NIT2: variants seen among roughly 807,000 people sequenced by gnomAD.
The protein encoded by NIT2 is omega-amidase NIT2.
NIT2 carries 46 observed loss-of-function variants against 42.7 expected under a neutral mutation model. The observed-to-expected ratio is 1.08, with a 90% CI of 0.85 to 1.38. The LOEUF (loss-of-function observed/expected upper bound fraction) is 1.38, where lower values mean the gene tolerates loss of function less well. Among genes scored for constraint, NIT2 ranks in the 40% most tolerant of loss-of-function variants. NIT2 has a pLI of 0.00. For missense variants in NIT2, 309 were observed against 342.5 expected (o/e 0.90, Z 0.77); for synonymous variants, 123 against 121.9 (o/e 1.01, Z -0.06).
chr3:100,348,103 G>A (rs1706236398), intron 6 of NIT2, among the ~76,000 whole-genome samples: 2 of 152,038 alleles, frequency 1.3e-5, no homozygotes, highest in African/African-American at 2.4e-5. Context: ...TGTTGGCCAG[G>A]CTGGTCTCGA....
In NIT2 at chr3:100,348,820, T is replaced by C; in HGVS notation, c.523T>C (p.Tyr175His). 2 of 1,614,072 alleles carry C rather than the reference T, an allele frequency of 1.2e-6. No homozygotes were observed. Among genetic ancestry groups the C allele is most frequent in the Non-Finnish European group, 1.7e-6 (2 of 1,179,920 alleles). The change falls in exon 7 of 10, where the codon TAT (tyrosine) becomes CAT (histidine). Residue 175 changes from tyrosine to histidine, a missense_variant. Tyr to His is a moderately conservative substitution (Grantham distance 83). Coordinates refer to ENST00000394140, the MANE Select transcript of NIT2 (RefSeq NM_020202.5). ...YAQRGCQLLV[Y>H]PGAFNLTTGP... ...TCCCCAAGGCTGCCAGCTGTTGGTA[T>C]ATCCAGGAGCTTTTAATCTGACCAC...
rs750080874 is a variant in NIT2, at chr3:100,348,894, C to G, written c.584+13C>G. 6.2e-7 allele frequency: 1 copy of G among 1,611,306 alleles called. No individual in the cohort carries two copies. Among genetic ancestry groups the G allele is most frequent in the South Asian group, 1.1e-5 (1 of 91,016 alleles). On this transcript the variant is annotated intron_variant, in intron 7 of 9. Transcript: ENST00000394140. ...TTCAGCGAAGCCGGTAAGAAAGGAA[C>G]CATATATTCAAGCCTCTCGGCATGT...
In NIT2 at chr3:100,355,164, CTG is replaced by C; in HGVS notation, c.740-11_740-10del. 1 of 1,609,838 alleles carries C rather than the reference CTG, an allele frequency of 6.2e-7. No homozygotes were observed. The highest frequency in any genetic ancestry group is 1.3e-5 in the African/African-American group (1 of 74,868). ...TGCAAATTATTAATAGTGCACTTTC[CTG>C]TTTTTTGCAGACCTGAAGAAGCTGG... On this transcript the variant is annotated splice_polypyrimidine_tract_variant and intron_variant, in intron 9 of 9. Coordinates refer to ENST00000394140, the MANE Select transcript of NIT2 (RefSeq NM_020202.5).
chr3:100,342,513 T>G (rs193262337), intron 4 of NIT2, among the ~76,000 whole-genome samples: 1 of 151,768 alleles, frequency 6.6e-6, no homozygotes, highest in Non-Finnish European at 1.5e-5. Context: ...TAGTTATACA[T>G]CTTAGCTTTT....
chr3:100,345,919 A>G (rs1706212154), intron 5 of NIT2: 1 of 594,916 alleles, frequency 1.7e-6, no homozygotes, highest in Non-Finnish European at 3.0e-6. Flanking sequence ...TATACCTATT[A>G]GGCTACAGTT....
At chr3:100,344,925 T>C (rs1189981514) in intron 4 of NIT2, among the ~76,000 whole-genome samples, 1 of 149,900 alleles carries the variant, frequency 6.7e-6, no homozygotes, top group African/African-American at 2.5e-5. Flanking sequence ...TCCTGTCAAT[T>C]TGTCAGTTTG....
intron 6 of NIT2, among the ~76,000 whole-genome samples, chr3:100,348,123 C>T (rs1706236589): frequency 6.6e-6 from 1 of 152,148 alleles, no homozygotes. Flanking sequence ...AACTCCTGAC[C>T]TCAGGTGATC....
intron 5 of NIT2, 140 bp downstream of exon 5, chr3:100,345,818 A>G: frequency 1.5e-6 from 1 of 653,468 alleles, no homozygotes; most frequent in South Asian, 1.9e-5. Context: ...ATCATCACAG[A>G]TCTGGAAAGT....
intron 6 of NIT2, among the ~76,000 whole-genome samples, chr3:100,347,511 C>G (rs1706229356): frequency 6.6e-6 from 1 of 152,206 alleles, no homozygotes; most frequent in South Asian, 2.1e-4. Context: ...CTCACTGAAG[C>G]CTTGGTCTCC....
At chr3:100,351,901 C>T (rs277645) in intron 7 of NIT2, among the ~76,000 whole-genome samples, 22,657 of 151,864 alleles carry the variant, frequency 0.15, 3,092 homozygotes, top group East Asian at 0.49. Context: ...TGAACTCCAA[C>T]AAATTTACAA....
chr3:100,351,145 T>C (rs1341266314), intron 7 of NIT2, among the ~76,000 whole-genome samples: 1 of 152,218 alleles, frequency 6.6e-6, no homozygotes, highest in Admixed American at 6.5e-5. Flanking sequence ...TTTGTTATTG[T>C]GAATAGTGCT....
At position 100,339,091 on chromosome 3, in the gene NIT2, C is replaced by T. The variant is rs376856309; in HGVS notation, c.12C>T (p.Phe4=). 8 of 1,609,378 alleles carry T rather than the reference C, an allele frequency of 5.0e-6. No homozygotes were observed. Among genetic ancestry groups the T allele is most frequent in the African/African-American group, 4.0e-5 (3 of 74,830 alleles). The change falls in exon 2 of 10, where the codon TTC becomes TTT. Residue 4 remains phenylalanine, a synonymous_variant. Transcript: ENST00000394140. MTS[F]RLALIQLQIS... ...TTCTTTTGTCTTTGTTCTCAGCTTTCCGCTTGGCCCTCATCCAGCTTCAGA... is the reference window on the plus strand; with the variant it reads ...TTCTTTTGTCTTTGTTCTCAGCTTTTCGCTTGGCCCTCATCCAGCTTCAGA...
chr3:100,355,614 C>T lies in NIT2; in HGVS notation c.*346C>T, dbSNP rs1706319120. On this transcript the variant is annotated 3_prime_UTR_variant, in exon 10 of 10. Coordinates refer to ENST00000394140, the MANE Select transcript of NIT2 (RefSeq NM_020202.5). ...GTGTCATGAACCTCTTATCCCGTTG[C>T]TGGAGTTGTAATCTCCATCATCTAG... 1 of 186,284 alleles carries T rather than the reference C, an allele frequency of 5.4e-6. No individual in the cohort carries two copies. Among genetic ancestry groups the T allele is most frequent in the African/African-American group, 2.3e-5 (1 of 42,560 alleles). The allele number at this position is 186,284 out of a possible 1,614,324, so 11.5% of individuals were successfully genotyped here.
chr3:100,345,015 C>T (rs1286198592), intron 4 of NIT2, among the ~76,000 whole-genome samples: 2 of 143,596 alleles, frequency 1.4e-5, no homozygotes, highest in African/African-American at 2.6e-5. Context: ...AGTGCAATGG[C>T]GTGATCTCGG....
At chr3:100,350,170 G>A (rs889396500) in intron 7 of NIT2, among the ~76,000 whole-genome samples, 1 of 152,180 alleles carries the variant, frequency 6.6e-6, no homozygotes, top group Admixed American at 6.5e-5. Flanking sequence ...AATGTTTAAT[G>A]TAAGGGAAAG....
chr3:100,335,189 G>A (rs1559821792), intron 1 of NIT2: 1 of 204,492 alleles, frequency 4.9e-6, no homozygotes, highest in Non-Finnish European at 1.0e-5. Context: ...GTGCCCAGGC[G>A]GTTCTTCGTC....
rs772376186 is a variant in NIT2, at chr3:100,348,844, A to C, written c.547A>C (p.Thr183Pro). 1 of 1,614,084 alleles carries C rather than the reference A, an allele frequency of 6.2e-7. No homozygotes were observed. Among genetic ancestry groups the C allele is most frequent in the South Asian group, 1.1e-5 (1 of 91,078 alleles). The change falls in exon 7 of 10, where the codon ACT (threonine) becomes CCT (proline). Residue 183 changes from threonine to proline, a missense_variant. Coordinates refer to ENST00000394140, the MANE Select transcript of NIT2 (RefSeq NM_020202.5). ...ATATCCAGGAGCTTTTAATCTGACC[A>C]CTGGACCAGCCCATTGGGAGTTACT... ...LVYPGAFNLTTGPAHWELLQR... is the reference protein window; with the variant it reads ...LVYPGAFNLTPGPAHWELLQR...
At chr3:100,339,981 T>C in intron 3 of NIT2, 46 bp downstream of exon 3, 3 of 1,550,452 alleles carry the variant, frequency 1.9e-6, no homozygotes, top group Non-Finnish European at 2.6e-6. Flanking sequence ...ATTAGAAACA[T>C]CTGAATGAGT....
intron 1 of NIT2, 82 bp downstream of exon 1, chr3:100,334,880 G>A (rs1383755895): frequency 2.5e-6 from 3 of 1,199,694 alleles, no homozygotes; most frequent in Non-Finnish European, 2.1e-6. Context: ...GGCTCGGCCG[G>A]CTCAGCCCCT....
Sources: allele counts gnomAD v4.1 joint callset (sites outside exome capture counted in the v4.1 genomes callset), GRCh38; gene constraint gnomAD v4.1.1; transcripts MANE v1.5; gene names NCBI Gene and HGNC (gene_info 2026-07-23, HGNC 2026-07-21).